The following ABCC8 variants were observed in gnomAD, a reference collection of about 807,000 sequenced individuals.
ABCC8 encodes the protein ATP binding cassette subfamily C member 8.
Under a neutral mutation model 188.0 loss-of-function variants are expected in ABCC8, and 137 were observed. The observed-to-expected ratio is 0.73, with a 90% CI of 0.63 to 0.84. The LOEUF (loss-of-function observed/expected upper bound fraction) is 0.84, where lower values mean the gene tolerates loss of function less well. ABCC8 is among the 40% of genes least tolerant of loss of function. ABCC8 has a pLI of 0.00. For synonymous variants in ABCC8, 797 were observed against 846.5 expected, an observed-to-expected ratio of 0.94 and a Z score of 1.01; for missense variants, 1,750 against 2,072.7, an observed-to-expected ratio of 0.84 and a Z score of 3.02.
chr11:17,395,345 G>A, intron 35 of ABCC8, 70 bp from the exon 36 acceptor site: 1 of 1,550,496 alleles, frequency 6.4e-7, no homozygotes, highest in South Asian at 1.2e-5. Flanking sequence ...GCGGCAAAGA[G>A]GGCAGTGAGC....
intron 22 of ABCC8, 30 bp from the exon 23 acceptor site, chr11:17,408,547 G>A (rs1367111053): frequency 6.3e-7 from 1 of 1,598,910 alleles, no homozygotes; most frequent in Admixed American, 1.7e-5. Flanking sequence ...CGTGGTTTGG[G>A]GGCTGGCTGG....
intron 16 of ABCC8, among the ~76,000 whole-genome samples, chr11:17,421,776 C>A (rs1247846601): frequency 6.6e-6 from 1 of 152,238 alleles, no homozygotes; most frequent in Non-Finnish European, 1.5e-5. Flanking sequence ...GCTGCAGAGC[C>A]TGTGTGTGCA....
intron 3 of ABCC8, among the ~76,000 whole-genome samples, chr11:17,464,363 G>A (rs926311049): frequency 3.9e-5 from 6 of 152,242 alleles, no homozygotes; most frequent in Admixed American, 1.3e-4. Flanking sequence ...GCCAGCCACA[G>A]TTCTGTGAGG....
At chr11:17,469,129 T>A (rs1848339909) in intron 3 of ABCC8, among the ~76,000 whole-genome samples, 1 of 144,204 alleles carries the variant, frequency 6.9e-6, no homozygotes, top group South Asian at 2.4e-4. Flanking sequence ...TCTTGCTCTG[T>A]CACCCAGGCT....
chr11:17,472,568 G>T (rs751726735), intron 2 of ABCC8, among the ~76,000 whole-genome samples: 54 of 152,152 alleles, frequency 3.5e-4, no homozygotes, highest in Admixed American at 1.1e-3. Flanking sequence ...GGTATCACAA[G>T]GGTCTGTGAC....
chr11:17,397,795 C>A lies in ABCC8; in HGVS notation c.3756G>T (p.Glu1252Asp). 6.2e-7 allele frequency: 1 copy of A among 1,613,714 alleles called. No individual in the cohort carries two copies. The highest frequency in any genetic ancestry group is 8.5e-7 in the Non-Finnish European group (1 of 1,179,986). The change falls in exon 31 of 39, where the codon GAG (glutamate) becomes GAT (aspartate). Residue 1252 changes from glutamate (E) to aspartate (D), a missense_variant and splice_region_variant. Coordinates refer to ENST00000389817, the MANE Select transcript of ABCC8 (RefSeq NM_000352.6). ...AANRWLEVRM[E>D]YIGACVVLIA... ...TGAGCACCACACATGCACCGATGTA[C>A]TCCTGGGGAGGGAGAGGAGCTGACC...
intron 22 of ABCC8, 79 bp downstream of exon 22, chr11:17,410,437 A>G: frequency 8.7e-6 from 13 of 1,501,370 alleles, no homozygotes; most frequent in Non-Finnish European, 1.2e-5. Context: ...TACCAAGACA[A>G]CGGATTGGTT....
chr11:17,452,974 C>T (rs545540843), intron 7 of ABCC8, 145 bp downstream of exon 7: 2 of 828,248 alleles, frequency 2.4e-6, no homozygotes, highest in African/African-American at 1.7e-5. Flanking sequence ...TCAATGGTTA[C>T]TGTTTTAAAA....
At chr11:17,394,458 C>T in intron 36 of ABCC8, 59 bp from the exon 37 acceptor site, 1 of 1,612,866 alleles carries the variant, frequency 6.2e-7, no homozygotes, top group Non-Finnish European at 8.5e-7. Context: ...GTGAGTGGAG[C>T]AGATGGGATG....
intron 19 of ABCC8, among the ~76,000 whole-genome samples, chr11:17,413,735 G>C (rs1379409391): frequency 6.6e-6 from 1 of 152,204 alleles, no homozygotes; most frequent in African/African-American, 2.4e-5. Flanking sequence ...AGTGATGAAA[G>C]GGCGCTCATG....
At chr11:17,395,136 C>CCCAA in intron 36 of ABCC8, 36 bp downstream of exon 36, 1 of 1,553,360 alleles carries the variant, frequency 6.4e-7, no homozygotes. Context: ...TCCTTGAGTG[C>CCCAA]CCAACCAACC....
rs916151143 is a variant in ABCC8 at position 17,415,426 on chromosome 11, A to G, written c.2256-87T>C. 5 of 1,560,762 alleles carry G rather than the reference A, an allele frequency of 3.2e-6. No individual in the cohort carries two copies. The African/African-American group carries it at 5.4e-5, about 17-fold the overall frequency. ...GATCCTGAGCTCCCTCCAACCCAAC[A>G]TGAGCATGCCTTTACAATCCCCTGG... On this transcript the variant is annotated intron_variant, in intron 17 of 38. Coordinates refer to ENST00000389817, the MANE Select transcript of ABCC8 (RefSeq NM_000352.6).
In ABCC8 at chr11:17,427,270, C is replaced by T. The variant is rs551015803; in HGVS notation, c.2117-116G>A. 2 of 1,376,926 alleles carry T rather than the reference C, an allele frequency of 1.5e-6. No homozygotes were observed. Among genetic ancestry groups the T allele is most frequent in the Non-Finnish European group, 1.9e-6 (2 of 1,065,888 alleles). 85.3% of individuals were successfully genotyped at this position (1,376,926 alleles called of 1,614,324 possible). On this transcript the variant is annotated intron_variant, in intron 15 of 38. Coordinates refer to ENST00000389817, the MANE Select transcript of ABCC8 (RefSeq NM_000352.6). This position sits in a 1 kb window ranked among gnomAD's most constrained non-coding sequence, Gnocchi z 5.0. ...CCTGGGGCCCCTGTTTTCTTTCTTC[C>T]TACCTAGAATCCCCAGCAAGTCCTC...
chr11:17,431,641 G>C (rs2133552430), intron 11 of ABCC8, among the ~76,000 whole-genome samples: 1 of 152,370 alleles, frequency 6.6e-6, no homozygotes, highest in South Asian at 2.1e-4. Context: ...CCATGGCTCA[G>C]CTCACACACA....
chr11:17,440,661 G>T (rs1001274139), intron 10 of ABCC8, among the ~76,000 whole-genome samples: 11 of 152,252 alleles, frequency 7.2e-5, no homozygotes, highest in Admixed American at 7.2e-4. Context: ...TGCATAAAAC[G>T]CCATGGCTTG....
intron 12 of ABCC8, 199 bp from the exon 13 acceptor site, chr11:17,428,869 G>A: frequency 2.2e-6 from 2 of 890,670 alleles, no homozygotes; most frequent in Non-Finnish European, 3.3e-6. Flanking sequence ...TGACCAGTCA[G>A]CTGGAATAGG....
intron 2 of ABCC8, among the ~76,000 whole-genome samples, chr11:17,470,541 A>T (rs1848424620): frequency 6.6e-6 from 1 of 152,210 alleles, no homozygotes; most frequent in African/African-American, 2.4e-5. Context: ...CACGAACAGC[A>T]TAAGTCAGCA....
chr11:17,412,959 T>C (rs1453584855), intron 20 of ABCC8: 1 of 1,074,628 alleles, frequency 9.3e-7, no homozygotes, highest in Admixed American at 2.6e-5. Context: ...AGATTCATTG[T>C]GTAGGCGCTA....
At chr11:17,411,515 C>A (rs903907972) in intron 21 of ABCC8, among the ~76,000 whole-genome samples, 1 of 152,090 alleles carries the variant, frequency 6.6e-6, no homozygotes, top group Non-Finnish European at 1.5e-5. Flanking sequence ...AGTGCTTGTG[C>A]GTGTGGTGTA....
Sources: allele counts gnomAD v4.1 joint callset (sites outside exome capture counted in the v4.1 genomes callset), GRCh38; gene constraint gnomAD v4.1.1; non-coding constraint Gnocchi (gnomAD v3.1); transcripts MANE v1.5; gene names NCBI Gene and HGNC (gene_info 2026-07-23, HGNC 2026-07-21).